C2CD5: variants seen among roughly 807,000 people sequenced by gnomAD.
C2CD5 encodes the protein C2 domain-containing protein 5.
Under a neutral mutation model 130.3 loss-of-function variants are expected in C2CD5, and 109 were observed. The observed-to-expected ratio is 0.84, with a 90% CI of 0.72 to 0.98. The LOEUF is 0.98. Ranked by LOEUF, C2CD5 falls within the 50% of genes least tolerant of loss-of-function variation. C2CD5 has a pLI of 0.00. For synonymous variants in C2CD5, 454 were observed against 429.2 expected (o/e 1.06, Z -0.71); for missense variants, 996 against 1,261.8 (o/e 0.79, Z 3.19).
rs756013011 is a variant in C2CD5, at chr12:22,484,829, T to C, written c.1418A>G (p.Asn473Ser). The part of the protein sequence containing the change: ...GFCHIPYDEL[N>S]MPFPAHLTYC... ...TGTGAGATGAGCTGGAAATGGCATATTCAGTTCATCATATGGTATATGACA... is the reference window on the plus strand; with the variant it reads ...TGTGAGATGAGCTGGAAATGGCATACTCAGTTCATCATATGGTATATGACA... The change falls in exon 13 of 27, where the codon AAT (asparagine) becomes AGT (serine). Residue 473 changes from asparagine (N) to serine (S), a missense_variant. Asn to Ser is a conservative substitution (Grantham distance 46). Coordinates refer to ENST00000446597, the MANE Select transcript of C2CD5 (RefSeq NM_001286176.2). The C allele has an allele frequency of 1.2e-6, 2 of 1,608,668 alleles. No homozygotes were observed. The highest frequency in any genetic ancestry group is 1.3e-5 in the African/African-American group (1 of 74,712).
At chr12:22,529,646 A>G (rs958932427) in intron 3 of C2CD5, among the ~76,000 whole-genome samples, 2 of 152,200 alleles carry the variant, frequency 1.3e-5, no homozygotes, top group African/African-American at 4.8e-5. Flanking sequence ...AGACTTTCTG[A>G]GAAATGTTTT....
rs756499827 is a variant in C2CD5 at position 22,482,716 on chromosome 12, C to T, written c.1578G>A (p.Gln526=). ...ARLCRLKKKA[Q]AEANATAISN... is the part of the protein sequence containing the mutation. ...TGATAGCTGTAGCATTTGCTTCTGC[C>T]TGTGCTTTCTTTTTTAAGCGACATA... The change falls in exon 14 of 27, where the codon CAG becomes CAA. Residue 526 remains glutamine, a synonymous_variant. Transcript: ENST00000446597. 1.2e-6 allele frequency: 2 copies of T among 1,613,508 alleles called. No homozygotes were observed. The highest frequency in any genetic ancestry group is 1.7e-6 in the Non-Finnish European group (2 of 1,179,634).
chr12:22,508,119 G>A (rs1948783867), intron 9 of C2CD5, among the ~76,000 whole-genome samples: 1 of 152,094 alleles, frequency 6.6e-6, no homozygotes, highest in Non-Finnish European at 1.5e-5. Context: ...CACAAAGCAC[G>A]GCAACTTGGA....
chr12:22,486,717 T>C (rs944073110), intron 12 of C2CD5, among the ~76,000 whole-genome samples: 6 of 152,330 alleles, frequency 3.9e-5, no homozygotes, highest in African/African-American at 1.2e-4. Context: ...TTATTGTTTT[T>C]AATAGAATAT....
chr12:22,517,930 A>T (rs1241871903), intron 8 of C2CD5, 56 bp downstream of exon 8: 6 of 1,436,746 alleles, frequency 4.2e-6, no homozygotes, highest in Non-Finnish European at 5.7e-6. Flanking sequence ...AGCTAATAAG[A>T]AATAGAAACA....
At chr12:22,515,162 A>C in intron 8 of C2CD5, 7 of 981,482 alleles carry the variant, frequency 7.1e-6, no homozygotes, top group South Asian at 4.7e-5. Flanking sequence ...TGTGGAGGAA[A>C]GTAGCAGAGA....
rs1942894277 is a variant in C2CD5, at chr12:22,470,807, A to G, written c.2446+17T>C. 2.0e-6 allele frequency: 3 copies of G among 1,495,850 alleles called. No individual in the cohort carries two copies. The highest frequency in any genetic ancestry group is 2.8e-6 in the Non-Finnish European group (3 of 1,073,992). The allele number at this position is 1,495,850 out of a possible 1,614,324, so 92.7% of individuals were successfully genotyped here. On this transcript the variant is annotated intron_variant, in intron 21 of 26. Coordinates refer to ENST00000446597, the MANE Select transcript of C2CD5 (RefSeq NM_001286176.2). ...CAGACAAACACAAACTGAACTTCCT[A>G]TTCAGTAAAGATTTACCTCTTTGCA...
At chr12:22,536,790 T>C (rs1951856412) in intron 2 of C2CD5, among the ~76,000 whole-genome samples, 2 of 152,080 alleles carry the variant, frequency 1.3e-5, no homozygotes, top group Non-Finnish European at 2.9e-5. Flanking sequence ...GGTTTTCGAG[T>C]TATATTTGAG....
chr12:22,523,020 G>A (rs948031802), intron 7 of C2CD5, among the ~76,000 whole-genome samples: 1 of 151,874 alleles, frequency 6.6e-6, no homozygotes, highest in African/African-American at 2.4e-5. Flanking sequence ...TTGAGACCAG[G>A]CTAGGCAACA....
intron 3 of C2CD5, among the ~76,000 whole-genome samples, chr12:22,533,347 C>T (rs1951497915): frequency 6.6e-6 from 1 of 152,136 alleles, no homozygotes; most frequent in South Asian, 2.1e-4. Flanking sequence ...ATGAGGTTAA[C>T]ACATGTAAAG....
intron 16 of C2CD5, among the ~76,000 whole-genome samples, chr12:22,473,923 G>C (rs981236094): frequency 3.3e-5 from 5 of 152,052 alleles, no homozygotes; most frequent in Admixed American, 2.0e-4. Context: ...GGGAAAAAGT[G>C]GGGGGCAAAT....
intron 24 of C2CD5, among the ~76,000 whole-genome samples, chr12:22,457,580 T>C (rs1940187040): frequency 6.6e-6 from 1 of 152,182 alleles, no homozygotes; most frequent in African/African-American, 2.4e-5. Flanking sequence ...TGTCAACTTG[T>C]AGATAAACCT....
chr12:22,541,600 A>C (rs1952392068), intron 2 of C2CD5, among the ~76,000 whole-genome samples: 1 of 152,102 alleles, frequency 6.6e-6, no homozygotes, highest in Non-Finnish European at 1.5e-5. Context: ...TCTCCGGGTT[A>C]CCTTCTGTCC....
In C2CD5 at chr12:22,472,079, GACATA is replaced by G. The variant is rs766626717; in HGVS notation, c.2170-19_2170-15del. On this transcript the variant is annotated splice_polypyrimidine_tract_variant and intron_variant, in intron 18 of 26. Transcript: ENST00000446597. The stretch of plus-strand genomic sequence containing the variant: ...TGAAGTGAACATCTAAATGTGGGGT[GACATA>G]ACATGTCATTTTATTATTTTTAACT... 62 of 1,362,066 alleles carry G rather than the reference GACATA, an allele frequency of 4.6e-5. 1 individual carries two copies. Among genetic ancestry groups the G allele is most frequent in the Non-Finnish European group, 6.0e-5 (58 of 963,082 alleles). 84.4% of individuals were successfully genotyped at this position (1,362,066 alleles called of 1,614,324 possible).
At chr12:22,512,749 A>T in intron 9 of C2CD5, 1 of 1,099,000 alleles carries the variant, frequency 9.1e-7, no homozygotes. Context: ...GTAACTGCTT[A>T]TTTTCCCAAT....
intron 11 of C2CD5, among the ~76,000 whole-genome samples, chr12:22,492,010 G>GTA (rs1489604709): frequency 6.6e-6 from 1 of 152,130 alleles, no homozygotes; most frequent in African/African-American, 2.4e-5. Flanking sequence ...GTTAACAAGA[G>GTA]TAGAACCGCT....
chr12:22,496,779 A>C (rs1947074991), intron 10 of C2CD5, among the ~76,000 whole-genome samples: 1 of 151,608 alleles, frequency 6.6e-6, no homozygotes, highest in Admixed American at 6.6e-5. Flanking sequence ...TAATATCGCA[A>C]ATCTTTTAAT....
chr12:22,543,607 T>A (rs941439063), intron 2 of C2CD5, among the ~76,000 whole-genome samples: 1 of 151,732 alleles, frequency 6.6e-6, no homozygotes, highest in African/African-American at 2.4e-5. Flanking sequence ...TGTGTGTGCC[T>A]GTGTGTGTGT....
In C2CD5 at chr12:22,539,392, CTAA is replaced by C. The variant is rs1952129020; in HGVS notation, c.91-4051_91-4049del. Among the ~76,000 whole-genome samples, 5 of 152,158 alleles carry C rather than the reference CTAA, an allele frequency of 3.3e-5. 1 individual carries two copies. Among genetic ancestry groups the C allele is most frequent in the Non-Finnish European group, 7.3e-5 (5 of 68,038 alleles). ...GTTTCCTTCCTCTAGTCCTCCTCTTCTAATAAACCTCTTAATATCAAGTTTTTT... is the reference window on the plus strand; with the variant it reads ...GTTTCCTTCCTCTAGTCCTCCTCTTCTAAACCTCTTAATATCAAGTTTTTT... On this transcript the variant is annotated intron_variant, in intron 2 of 26. Coordinates refer to ENST00000446597, the MANE Select transcript of C2CD5 (RefSeq NM_001286176.2).
Sources: gnomAD v4.1 joint callset for allele counts (sites outside exome capture counted in the v4.1 genomes callset) on GRCh38, gnomAD v4.1.1 for gene constraint, MANE v1.5 for transcripts, NCBI Gene and HGNC (gene_info 2026-07-23, HGNC 2026-07-21) for gene names.